Variants in EGFR observed in about 807,000 individuals in gnomAD.
The protein encoded by EGFR is avian erythroblastic leukemia viral (v-erb-b) oncogene homolog.
In EGFR, 58 loss-of-function variants were observed where a neutral mutation model predicts 143.0. The ratio of observed to expected loss-of-function variants is 0.41; its 90% CI spans 0.33 to 0.50. The LOEUF is 0.50. Ranked by LOEUF, EGFR falls within the 20% of genes least tolerant of loss-of-function variation. The pLI is 0.39. For missense variants in EGFR, 1,307 were observed against 1,579.0 expected (o/e 0.83, Z 2.92); for synonymous variants, 613 against 594.4 (o/e 1.03, Z -0.45).
chr7:55,201,067 C>T (rs2128971235), intron 24 of EGFR, 121 bp from the exon 25 acceptor site: 1 of 1,243,998 alleles, frequency 8.0e-7, no homozygotes, highest in Non-Finnish European at 1.2e-6. Context: ...AGGGGGATTT[C>T]ATTATAACAA....
intron 1 of EGFR, among the ~76,000 whole-genome samples, chr7:55,043,290 A>C (rs1447649604): frequency 6.6e-6 from 1 of 152,148 alleles, no homozygotes; most frequent in African/African-American, 2.4e-5. Flanking sequence ...TGTTTGGAGA[A>C]CCTTTTGGTT....
chr7:55,185,743 G>A (rs370534829), intron 20 of EGFR, among the ~76,000 whole-genome samples: 2 of 152,182 alleles, frequency 1.3e-5, no homozygotes, highest in African/African-American at 2.4e-5. Context: ...GCACGGTAGC[G>A]GTGGGGCAGG....
At chr7:55,193,242 A>G (rs756367209) in intron 22 of EGFR, among the ~76,000 whole-genome samples, 1 of 152,214 alleles carries the variant, frequency 6.6e-6, no homozygotes, top group Non-Finnish European at 1.5e-5. Context: ...GAGGCTTAAG[A>G]TGAACTACCC....
At chr7:55,165,946 G>C (rs769863615) in intron 15 of EGFR, among the ~76,000 whole-genome samples, 6 of 152,196 alleles carry the variant, frequency 3.9e-5, no homozygotes, top group Admixed American at 6.5e-5. Context: ...GGGATTCCAA[G>C]GCAGGCAGAT....
chr7:55,136,935 G>T (rs1011574471), intron 1 of EGFR, among the ~76,000 whole-genome samples: 1 of 152,158 alleles, frequency 6.6e-6, no homozygotes, highest in Non-Finnish European at 1.5e-5. Context: ...GGTTTATCAG[G>T]ACATAACCCT....
intron 1 of EGFR, among the ~76,000 whole-genome samples, chr7:55,136,656 G>A (rs1253154680): frequency 6.6e-6 from 1 of 152,180 alleles, no homozygotes; most frequent in African/African-American, 2.4e-5. Context: ...TGGTGTGAAA[G>A]CAATGCACAT....
intron 1 of EGFR, among the ~76,000 whole-genome samples, chr7:55,102,480 C>T (rs1241020098): frequency 6.6e-6 from 1 of 152,216 alleles, no homozygotes; most frequent in Non-Finnish European, 1.5e-5. Flanking sequence ...TGTTCACTCA[C>T]TAAGTTGAAC....
intron 1 of EGFR, among the ~76,000 whole-genome samples, chr7:55,117,162 A>G (rs758865872): frequency 3.9e-5 from 6 of 152,260 alleles, no homozygotes; most frequent in Non-Finnish European, 5.9e-5. Context: ...AGATTGCCAC[A>G]TACATCTTCC....
chr7:55,157,390 G>C (rs1041504928), intron 10 of EGFR, among the ~76,000 whole-genome samples: 2 of 152,208 alleles, frequency 1.3e-5, no homozygotes, highest in Non-Finnish European at 2.9e-5. Context: ...TCAGATACGC[G>C]GCGCAGCAGG....
intron 1 of EGFR, among the ~76,000 whole-genome samples, chr7:55,082,087 T>A (rs1790497043): frequency 6.6e-6 from 1 of 152,202 alleles, no homozygotes; most frequent in South Asian, 2.1e-4. Context: ...CAGTTTGAAA[T>A]CCCAATCTAG....
intron 1 of EGFR, among the ~76,000 whole-genome samples, chr7:55,091,961 C>A (rs977967278): frequency 4.0e-5 from 6 of 151,784 alleles, no homozygotes; most frequent in Admixed American, 2.0e-4. Context: ...AATACATGCT[C>A]TAATGAAGGT....
intron 1 of EGFR, among the ~76,000 whole-genome samples, chr7:55,095,530 C>A (rs1791409754): frequency 1.3e-5 from 2 of 152,172 alleles, no homozygotes; most frequent in African/African-American, 4.8e-5. Context: ...GGAGTGTGGG[C>A]CAGTTTCGCC....
chr7:55,051,905 G>A (rs1788512844), intron 1 of EGFR, among the ~76,000 whole-genome samples: 1 of 152,184 alleles, frequency 6.6e-6, no homozygotes. Context: ...TTTAGTTGTA[G>A]GTTCCTTCTC....
rs771398183 is a variant in EGFR at position 55,156,554 on chromosome 7, G to C, written c.1028G>C (p.Gly343Ala). 1 of 1,614,212 alleles carries C rather than the reference G, an allele frequency of 6.2e-7. No individual in the cohort carries two copies. Among genetic ancestry groups the C allele is most frequent in the Non-Finnish European group, 8.5e-7 (1 of 1,180,042 alleles). Reference sequence around the variant, plus strand: ...GCAGTGTGTAACGGAATAGGTATTGGTGAATTTAAAGACTCACTCTCCATA... The same window carrying C: ...GCAGTGTGTAACGGAATAGGTATTGCTGAATTTAAAGACTCACTCTCCATA... Reference protein sequence around the residue: ...CRKVCNGIGIGEFKDSLSINA... With the variant: ...CRKVCNGIGIAEFKDSLSINA... Residue 343 changes from glycine (G) to alanine (A), a missense_variant, in exon 9 of 28, where the codon GGT becomes GCT. Gly to Ala is a moderately conservative substitution (Grantham distance 60, BLOSUM62 0). This residue lies in a region of EGFR where 311 missense variants were observed against 412.3 expected (regional missense o/e 0.75). Transcript: ENST00000275493.
chr7:55,171,030 C>T (rs2128951210), intron 15 of EGFR, 145 bp from the exon 16 acceptor site: 1 of 1,498,188 alleles, frequency 6.7e-7, no homozygotes, highest in Non-Finnish European at 8.9e-7. Context: ...AATTAACCAC[C>T]AATCCAACAT....
chr7:55,125,621 A>T (rs527531193), intron 1 of EGFR, among the ~76,000 whole-genome samples: 1 of 152,258 alleles, frequency 6.6e-6, no homozygotes, highest in African/African-American at 2.4e-5. Context: ...AAAATTGTAG[A>T]TTCACACATA....
chr7:55,062,981 G>A (rs1239249380), intron 1 of EGFR, among the ~76,000 whole-genome samples: 5 of 152,080 alleles, frequency 3.3e-5, no homozygotes, highest in African/African-American at 9.7e-5. Context: ...CCTTTTTACA[G>A]GAGAGGAAAC....
intron 1 of EGFR, among the ~76,000 whole-genome samples, chr7:55,054,662 G>A (rs1428913335): frequency 6.6e-6 from 1 of 152,178 alleles, no homozygotes; most frequent in Non-Finnish European, 1.5e-5. Flanking sequence ...CTGAACCATG[G>A]CCCCACAGAG....
At chr7:55,051,564 C>A (rs1208247651) in intron 1 of EGFR, among the ~76,000 whole-genome samples, 3 of 152,138 alleles carry the variant, frequency 2.0e-5, no homozygotes. Context: ...GACTTTCCAG[C>A]CTTCAGAACC....
Sources: gnomAD v4.1 joint callset for allele counts (sites outside exome capture counted in the v4.1 genomes callset) on GRCh38, gnomAD v4.1.1 for gene constraint, gnomAD v4.1.1 regional missense constraint, MANE v1.5 for transcripts, NCBI Gene and HGNC (gene_info 2026-07-23, HGNC 2026-07-21) for gene names.